The following GHR variants were observed in gnomAD, a reference collection of about 807,000 sequenced individuals.
GHR encodes the protein growth hormone receptor, also known as GH receptor.
Under a neutral mutation model 67.1 loss-of-function variants are expected in GHR, and 35 were observed. The ratio of observed to expected loss-of-function variants is 0.52; its 90% CI spans 0.40 to 0.69. The LOEUF (loss-of-function observed/expected upper bound fraction) is 0.69. GHR is among the 30% of genes least tolerant of loss of function. The pLI is 0.00. For synonymous variants in GHR, 272 were observed against 269.1 expected, an observed-to-expected ratio of 1.01 and a Z score of -0.10; for missense variants, 792 against 764.6, an observed-to-expected ratio of 1.04 and a Z score of -0.42.
intron 1 of GHR, among the ~76,000 whole-genome samples, chr5:42,521,230 G>A (rs990129299): frequency 6.6e-6 from 1 of 152,188 alleles, no homozygotes; most frequent in Non-Finnish European, 1.5e-5. Flanking sequence ...ATCATAGGCT[G>A]TTCTTGAGGG....
intron 8 of GHR, among the ~76,000 whole-genome samples, chr5:42,717,325 A>C (rs1053079533): frequency 4.6e-5 from 7 of 152,222 alleles, no homozygotes; most frequent in African/African-American, 1.7e-4. Context: ...AATTAAAAAC[A>C]CCATAAATTC....
intron 1 of GHR, among the ~76,000 whole-genome samples, chr5:42,497,241 TG>T (rs1370168763): frequency 1.3e-5 from 2 of 152,334 alleles, no homozygotes; most frequent in Admixed American, 6.5e-5. Flanking sequence ...TTGTGAAATA[TG>T]GTTGCATTCT....
intron 2 of GHR, among the ~76,000 whole-genome samples, chr5:42,624,009 G>C (rs189890740): frequency 6.6e-6 from 1 of 152,124 alleles, no homozygotes; most frequent in Non-Finnish European, 1.5e-5. Flanking sequence ...CTAAGCCAGC[G>C]CAGTTTTGTT....
At chr5:42,572,284 C>T (rs1750368905) in intron 2 of GHR, among the ~76,000 whole-genome samples, 1 of 152,110 alleles carries the variant, frequency 6.6e-6, no homozygotes, top group Admixed American at 6.5e-5. Context: ...CCTAGCTTGT[C>T]ATCAGGCAGA....
intron 3 of GHR, among the ~76,000 whole-genome samples, chr5:42,639,652 G>A (rs1399806747): frequency 6.6e-6 from 1 of 152,198 alleles, no homozygotes; most frequent in Non-Finnish European, 1.5e-5. Context: ...TCAGAGAAAT[G>A]GAGAGACACC....
At chr5:42,469,751 G>A (rs964728459) in intron 1 of GHR, among the ~76,000 whole-genome samples, 5 of 152,210 alleles carry the variant, frequency 3.3e-5, no homozygotes, top group Non-Finnish European at 7.3e-5. Flanking sequence ...GGAAATGGAG[G>A]TGCTGGTGCC....
chr5:42,694,093 C>T (rs148026518), intron 4 of GHR, among the ~76,000 whole-genome samples: 218 of 152,272 alleles, frequency 1.4e-3, no homozygotes, highest in African/African-American at 4.8e-3. Flanking sequence ...TAAAAACATA[C>T]CTCCACCTTG....
chr5:42,696,471 A>G (rs1039203119), intron 5 of GHR, among the ~76,000 whole-genome samples: 5 of 152,080 alleles, frequency 3.3e-5, no homozygotes, highest in Non-Finnish European at 5.9e-5. Flanking sequence ...AAAAGTGATG[A>G]CCCACAGTGG....
intron 2 of GHR, among the ~76,000 whole-genome samples, chr5:42,604,652 T>G (rs1445593857): frequency 1.3e-5 from 2 of 151,896 alleles, no homozygotes; most frequent in Non-Finnish European, 2.9e-5. Flanking sequence ...TAAAAGACTG[T>G]AATAAGAGCT....
At chr5:42,493,165 C>T (rs1746186578) in intron 1 of GHR, among the ~76,000 whole-genome samples, 1 of 152,088 alleles carries the variant, frequency 6.6e-6, no homozygotes, top group Admixed American at 6.6e-5. Flanking sequence ...ATTCTGTAGG[C>T]AGAAAACAGT....
At chr5:42,491,533 A>G (rs1746112510) in intron 1 of GHR, among the ~76,000 whole-genome samples, 1 of 152,220 alleles carries the variant, frequency 6.6e-6, no homozygotes, top group East Asian at 1.9e-4. Context: ...GATACTAATC[A>G]TGCTACAGAG....
At chr5:42,542,247 C>G (rs1388834916) in intron 1 of GHR, among the ~76,000 whole-genome samples, 1 of 152,088 alleles carries the variant, frequency 6.6e-6, no homozygotes, top group Non-Finnish European at 1.5e-5. Flanking sequence ...AAAATTAAGA[C>G]AGTGTGTCAG....
chr5:42,444,036 A>C (rs1323646196), intron 1 of GHR, among the ~76,000 whole-genome samples: 1 of 152,060 alleles, frequency 6.6e-6, no homozygotes, highest in Non-Finnish European at 1.5e-5. Flanking sequence ...GATAATGGAT[A>C]TATATAATGG....
intron 1 of GHR, among the ~76,000 whole-genome samples, chr5:42,544,542 T>C (rs1748652009): frequency 6.6e-6 from 1 of 152,102 alleles, no homozygotes; most frequent in Admixed American, 6.6e-5. Context: ...GGCAAATAAA[T>C]GGAAATAACA....
At chr5:42,565,375 T>G (rs1481714322) in intron 1 of GHR, 2 of 793,296 alleles carry the variant, frequency 2.5e-6, no homozygotes, top group Non-Finnish European at 3.1e-6. Flanking sequence ...CAACTCGTTT[T>G]GAGTGGTTTG....
intron 2 of GHR, among the ~76,000 whole-genome samples, chr5:42,586,549 G>T (rs1751485786): frequency 6.6e-6 from 1 of 152,220 alleles, no homozygotes; most frequent in Non-Finnish European, 1.5e-5. Flanking sequence ...ATGCTTTTAG[G>T]AGAGAAGTTT....
In GHR at chr5:42,531,446, G is replaced by A. The variant is rs368255454; in HGVS notation, c.-11-34418G>A. ...AGACAGTGAATGGGGCTTTCTGGCA[G>A]GTTAGCAGTTAGGAACTCAGATGAC... On this transcript the variant is annotated intron_variant, in intron 1 of 9. Coordinates refer to ENST00000230882, the MANE Select transcript of GHR (RefSeq NM_000163.5). Among the ~76,000 whole-genome samples, 80 of 151,584 alleles carry A rather than the reference G, an allele frequency of 5.3e-4. 2 individuals are homozygous for A. In the South Asian group the frequency reaches 0.016, roughly 31 times the overall value.
At chr5:42,486,992 C>T (rs140191241) in intron 1 of GHR, among the ~76,000 whole-genome samples, 2 of 152,242 alleles carry the variant, frequency 1.3e-5, no homozygotes, top group Admixed American at 1.3e-4. Context: ...CACAGCACAT[C>T]TGGTTCACTG....
At chr5:42,462,520 T>C (rs770438313) in intron 1 of GHR, among the ~76,000 whole-genome samples, 6 of 152,248 alleles carry the variant, frequency 3.9e-5, no homozygotes, top group Non-Finnish European at 8.8e-5. Flanking sequence ...GTAAATGAAC[T>C]ATTGCTTTTT....
Sources: gnomAD v4.1 joint callset for allele counts (sites outside exome capture counted in the v4.1 genomes callset) on GRCh38, gnomAD v4.1.1 for gene constraint, MANE v1.5 for transcripts, NCBI Gene and HGNC (gene_info 2026-07-23, HGNC 2026-07-21) for gene names.